The following EMP2 variants were observed in gnomAD, a reference collection of about 807,000 sequenced individuals.
The protein encoded by EMP2 is epithelial membrane protein 2.
In EMP2, 19 loss-of-function variants were observed where a neutral mutation model predicts 13.7. The observed-to-expected ratio is 1.38, with a 90% CI of 0.97 to 2.03. The LOEUF (loss-of-function observed/expected upper bound fraction) is 2.03, where lower values mean the gene tolerates loss of function less well. Among genes scored for constraint, EMP2 ranks in the 30% most tolerant of loss-of-function variants. The pLI is 0.00. For missense variants in EMP2, 253 were observed against 220.7 expected, an observed-to-expected ratio of 1.15 and a Z score of -0.93; for synonymous variants, 97 against 84.7, an observed-to-expected ratio of 1.15 and a Z score of -0.80.
At position 10,532,998 on chromosome 16, in the gene EMP2, G is replaced by T; in HGVS notation, c.411C>A (p.Gly137=). Reference sequence around the variant, plus strand: ...CCAGGATGTAGGAGTAGCCGTAGCTGCCTTCTCTGGTCACGGGATAGAATT... The same window carrying T: ...CCAGGATGTAGGAGTAGCCGTAGCTTCCTTCTCTGGTCACGGGATAGAATT... The part of the protein sequence containing the change: ...NAKFYPVTRE[G]SYGYSYILAW... Residue 137 remains glycine (G), a synonymous_variant, in exon 5 of 5, where the codon GGC becomes GGA. Coordinates refer to ENST00000359543, the MANE Select transcript of EMP2 (RefSeq NM_001424.6). 6.2e-7 allele frequency: 1 copy of T among 1,612,150 alleles called. No homozygotes were observed. Among genetic ancestry groups the T allele is most frequent in the Non-Finnish European group, 8.5e-7 (1 of 1,179,264 alleles).
chr16:10,541,376 G>A (rs1361271997), intron 3 of EMP2, among the ~76,000 whole-genome samples: 1 of 152,158 alleles, frequency 6.6e-6, no homozygotes, highest in Middle Eastern at 3.2e-3. Context: ...ATGGTCTCTT[G>A]TTGAATGTTC....
chr16:10,549,908 C>CA (rs2050772817), intron 1 of EMP2, among the ~76,000 whole-genome samples: 2 of 104,236 alleles, frequency 1.9e-5, no homozygotes, highest in East Asian at 3.0e-4. Flanking sequence ...TTTTTTGAGA[C>CA]AGAGTCTCAC....
At chr16:10,539,188 G>T (rs1482531206) in intron 3 of EMP2, among the ~76,000 whole-genome samples, 1 of 152,120 alleles carries the variant, frequency 6.6e-6, no homozygotes, top group Non-Finnish European at 1.5e-5. Context: ...AAAAGATAAC[G>T]TGAGGGGACA....
intron 2 of EMP2, 87 bp downstream of exon 2, chr16:10,547,453 C>T (rs1027944278): frequency 7.9e-6 from 11 of 1,389,594 alleles, no homozygotes; most frequent in Non-Finnish European, 1.1e-5. Flanking sequence ...ATGCCTTTAT[C>T]AGCAGCATGA....
intron 1 of EMP2, among the ~76,000 whole-genome samples, chr16:10,552,983 AAAC>A (rs1294072727): frequency 6.6e-6 from 1 of 152,226 alleles, no homozygotes; most frequent in African/African-American, 2.4e-5. Flanking sequence ...GCACTCCGAA[AAAC>A]AACAGAGAAG....
intron 1 of EMP2, among the ~76,000 whole-genome samples, chr16:10,579,358 T>TA (rs1230932802): frequency 6.6e-6 from 1 of 152,108 alleles, no homozygotes; most frequent in Admixed American, 6.6e-5. Context: ...AGGCGGCTTT[T>TA]AAAAAATTTT....
chr16:10,536,166 T>G (rs1161179954), intron 4 of EMP2, among the ~76,000 whole-genome samples: 1 of 152,210 alleles, frequency 6.6e-6, no homozygotes, highest in Non-Finnish European at 1.5e-5. Context: ...GGACGCTGAG[T>G]GTGACCAACC....
At chr16:10,567,901 C>T (rs1164164398) in intron 1 of EMP2, among the ~76,000 whole-genome samples, 2 of 152,170 alleles carry the variant, frequency 1.3e-5, no homozygotes, top group Admixed American at 1.3e-4. Flanking sequence ...CTGCAATCCC[C>T]ATTTTATAGA....
At chr16:10,535,483 CCAA>C (rs1450464031) in intron 4 of EMP2, among the ~76,000 whole-genome samples, 1 of 151,996 alleles carries the variant, frequency 6.6e-6, no homozygotes, top group Admixed American at 6.6e-5. Flanking sequence ...GCTCGGAATC[CCAA>C]CACTTTGAGA....
Position 10,540,061 on chromosome 16 carries a change from G to C in EMP2, c.170-1987C>G, listed in dbSNP as rs116145479. On this transcript the variant is annotated intron_variant, in intron 3 of 4. Transcript: ENST00000359543. Reference sequence around the variant, plus strand: ...ATGGCTTTGGGGGAAAGGATGAATAGATGTTCCTAGAACAGGGTTTCTCAA... The same window carrying C: ...ATGGCTTTGGGGGAAAGGATGAATACATGTTCCTAGAACAGGGTTTCTCAA... Among the ~76,000 whole-genome samples, 1,002 of 152,338 alleles carry C rather than the reference G, an allele frequency of 6.6e-3. 6 individuals are homozygous for C. The highest frequency in any genetic ancestry group is 0.023 in the African/African-American group (964 of 41,586).
Position 10,543,567 on chromosome 16 carries a change from T to C in EMP2, c.169+3A>G, listed in dbSNP as rs1196379305. Reference sequence around the variant, plus strand: ...TCAGTCAGCTTCCTTCATTCACACTTACCTTGAAAGCTGTCATTGATGACT... The same window carrying C: ...TCAGTCAGCTTCCTTCATTCACACTCACCTTGAAAGCTGTCATTGATGACT... On this transcript the variant is annotated splice_donor_region_variant and intron_variant, in intron 3 of 4. Coordinates refer to ENST00000359543, the MANE Select transcript of EMP2 (RefSeq NM_001424.6). The C allele has an allele frequency of 6.2e-7, 1 of 1,614,008 alleles. No individual in the cohort carries two copies.
chr16:10,575,101 C>A (rs1160941377), intron 1 of EMP2, among the ~76,000 whole-genome samples: 1 of 151,988 alleles, frequency 6.6e-6, no homozygotes, highest in Non-Finnish European at 1.5e-5. Context: ...TTTCTGAAAC[C>A]ATCACTGCTT....
At chr16:10,545,970 A>C (rs1306965460) in intron 2 of EMP2, 1 of 152,292 alleles carries the variant, frequency 6.6e-6, no homozygotes, top group Non-Finnish European at 1.5e-5. Context: ...CTCTAGGACC[A>C]GGAGCCTCTG....
chr16:10,574,840 G>T (rs565175041), intron 1 of EMP2, among the ~76,000 whole-genome samples: 1 of 151,886 alleles, frequency 6.6e-6, no homozygotes, highest in East Asian at 1.9e-4. Context: ...GTGAGCCACC[G>T]TGCCCGGCCC....
rs185551749 is a variant in EMP2, at chr16:10,539,959, A to G, written c.170-1885T>C. 3.3e-5 allele frequency among the ~76,000 whole-genome samples: 5 copies of G among 152,236 alleles called. No individual in the cohort carries two copies. The East Asian group carries it at 9.7e-4, about 29-fold the overall frequency. ...GGCCTCTCCCCCTGGAGATTCTGCT[A>G]CCATTGTCCTGGAGTGGGCACCAGG... On this transcript the variant is annotated intron_variant, in intron 3 of 4. Transcript: ENST00000359543.
chr16:10,551,194 T>C (rs2050785912), intron 1 of EMP2, among the ~76,000 whole-genome samples: 1 of 152,190 alleles, frequency 6.6e-6, no homozygotes, highest in Non-Finnish European at 1.5e-5. Flanking sequence ...ACTTTCTGTT[T>C]CTATGGATTT....
At chr16:10,538,390 T>C (rs1439794216) in intron 3 of EMP2, among the ~76,000 whole-genome samples, 1 of 152,162 alleles carries the variant, frequency 6.6e-6, no homozygotes. Flanking sequence ...GGGGAATCTT[T>C]TGAAGGACAA....
intron 1 of EMP2, among the ~76,000 whole-genome samples, chr16:10,553,463 C>T (rs1196939833): frequency 6.6e-6 from 1 of 152,184 alleles, no homozygotes; most frequent in African/African-American, 2.4e-5. Flanking sequence ...TTATTCAGGC[C>T]CCGGTGCAGT....
chr16:10,532,253 CAGGTTAAGGATGACCATTCCTA>C lies in EMP2; in HGVS notation c.*630_*651del, dbSNP rs1435219363. The stretch of plus-strand genomic sequence containing the variant: ...TAAAGACGAGTCTAAATCTGGCACG[CAGGTTAAGGATGACCATTCCTA>C]AGGCAAGCAGGTGACACTGTCGGCA... On this transcript the variant is annotated 3_prime_UTR_variant, in exon 5 of 5. Transcript: ENST00000359543. 1.3e-5 allele frequency: 2 copies of C among 154,576 alleles called. No individual in the cohort carries two copies. The highest frequency in any genetic ancestry group is 2.9e-5 in the Non-Finnish European group (2 of 68,248). 9.6% of individuals were successfully genotyped at this position (154,576 alleles called of 1,614,324 possible).
Sources: gnomAD v4.1 joint callset for allele counts (sites outside exome capture counted in the v4.1 genomes callset) on GRCh38, gnomAD v4.1.1 for gene constraint, MANE v1.5 for transcripts, NCBI Gene and HGNC (gene_info 2026-07-23, HGNC 2026-07-21) for gene names.